The following LRP2 variants were observed in gnomAD, a reference collection of about 807,000 sequenced individuals.
LRP2 encodes the protein low-density lipoprotein receptor-related protein 2.
In LRP2, 172 loss-of-function variants were observed where a neutral mutation model predicts 531.0. The ratio of observed to expected loss-of-function variants is 0.32; its 90% confidence interval spans 0.29 to 0.37. The LOEUF (loss-of-function observed/expected upper bound fraction) is 0.37. Among genes scored for constraint, LRP2 ranks in the 10% least tolerant of loss-of-function variants. The pLI is 1.00. For missense variants in LRP2, 5,167 were observed against 5,868.3 expected (o/e 0.88, Z 3.90); for synonymous variants, 1,992 against 2,027.6 (o/e 0.98, Z 0.47).
chr2:169,340,187 T>C (rs951282622), intron 1 of LRP2, among the ~76,000 whole-genome samples: 2 of 152,064 alleles, frequency 1.3e-5, no homozygotes, highest in Admixed American at 6.6e-5. Context: ...ACATCTCCAG[T>C]TTTTCCATCA....
chr2:169,142,729 A>T lies in LRP2; in HGVS notation c.13053T>A (p.Cys4351Ter). The T allele has an allele frequency of 6.2e-7, 1 of 1,614,132 alleles. No homozygotes were observed. The highest frequency in any genetic ancestry group is 8.5e-7 in the Non-Finnish European group (1 of 1,179,960). Reference sequence around the variant, plus strand: ...TAAAGCTGGAGCCTTGGGGACAGGCACAGCTGTATCCTCCAGGTCTCAGAA... The same window carrying T: ...TAAAGCTGGAGCCTTGGGGACAGGCTCAGCTGTATCCTCCAGGTCTCAGAA... ...LCLLRPGGYS[C>*]ACPQGSSFIE... Residue 4351 changes from cysteine to a stop codon, truncating the protein, a stop_gained, in exon 71 of 79, where the codon TGT (cysteine) becomes TGA (stop). Coordinates refer to ENST00000649046, the MANE Select transcript of LRP2 (RefSeq NM_004525.3). LOFTEE classifies it high-confidence loss of function.
rs979218002 is a variant in LRP2, at chr2:169,170,697, G to C, written c.11264-30C>G. The C allele has an allele frequency of 2.1e-6, 3 of 1,460,286 alleles. No homozygotes were observed. In the African/African-American group the frequency reaches 4.2e-5, roughly 20 times the overall value. The allele number at this position is 1,460,286 out of a possible 1,614,324, so 90.5% of individuals were successfully genotyped here. ...AAAGGAAAGGCACCTGGCCATGAGT[G>C]TGCACCAGGAATCACATACAGGAGA... On this transcript the variant is annotated intron_variant, in intron 58 of 78. Coordinates refer to ENST00000649046, the MANE Select transcript of LRP2 (RefSeq NM_004525.3).
chr2:169,311,979 T>C (rs1336004960), intron 3 of LRP2, among the ~76,000 whole-genome samples: 1 of 152,220 alleles, frequency 6.6e-6, no homozygotes, highest in African/African-American at 2.4e-5. Context: ...TCTTCTGATC[T>C]TTGTTGGTTT....
rs377305255 is a variant in LRP2, at chr2:169,137,487, C to T, written c.13525G>A (p.Asp4509Asn). ...AIDRSMAMSE[D>N]FVMEMGKQPI... ...TGCTTCCCCATTTCCATGACAAAGT[C>T]TTCACTCTGATGGCAGAGACAGAAA... Residue 4509 changes from aspartate (D) to asparagine (N), a missense_variant, in exon 76 of 79, where the codon GAC (aspartate) becomes AAC (asparagine). Asp to Asn is a conservative substitution (Grantham distance 23). Transcript: ENST00000649046. The T allele has an allele frequency of 2.5e-6, 4 of 1,593,850 alleles. No homozygotes were observed. The highest frequency in any genetic ancestry group is 3.4e-6 in the Non-Finnish European group (4 of 1,162,084).
intron 33 of LRP2, among the ~76,000 whole-genome samples, chr2:169,223,563 T>C (rs150741571): frequency 6.6e-6 from 1 of 152,188 alleles, no homozygotes; most frequent in East Asian, 1.9e-4. Context: ...ATGAAAAATA[T>C]TTTCTGCCAC....
chr2:169,152,390 G>A (rs1686175413), intron 67 of LRP2, among the ~76,000 whole-genome samples: 1 of 152,178 alleles, frequency 6.6e-6, no homozygotes, highest in South Asian at 2.1e-4. Flanking sequence ...GCTTTGCTGG[G>A]AGAATTGTGA....
chr2:169,318,703 G>T (rs985873117), intron 3 of LRP2, 59 bp downstream of exon 3: 3 of 1,611,916 alleles, frequency 1.9e-6, no homozygotes, highest in Non-Finnish European at 2.5e-6. Flanking sequence ...ACTTCTTTGC[G>T]ACAGGTTGGG....
intron 9 of LRP2, among the ~76,000 whole-genome samples, chr2:169,287,528 T>C (rs1207231964): frequency 2.0e-5 from 3 of 152,156 alleles, no homozygotes; most frequent in Non-Finnish European, 4.4e-5. Flanking sequence ...CCAACGATTG[T>C]AGTTTTCAGT....
At chr2:169,277,633 G>T in intron 13 of LRP2, 112 bp downstream of exon 13, 1 of 959,802 alleles carries the variant, frequency 1.0e-6, no homozygotes, top group Non-Finnish European at 1.6e-6. Flanking sequence ...AAGCTATCAT[G>T]TCCACCAACA....
intron 65 of LRP2, among the ~76,000 whole-genome samples, chr2:169,155,944 T>C (rs556596608): frequency 1.3e-5 from 2 of 152,286 alleles, no homozygotes; most frequent in South Asian, 4.1e-4. Flanking sequence ...CTTTTGTTAT[T>C]GTTTGAGCCT....
intron 76 of LRP2, among the ~76,000 whole-genome samples, chr2:169,133,289 T>C (rs2105328602): frequency 6.6e-6 from 1 of 152,374 alleles, no homozygotes; most frequent in Non-Finnish European, 1.5e-5. Context: ...TTACCATGAA[T>C]GCATAATAAA....
intron 2 of LRP2, among the ~76,000 whole-genome samples, chr2:169,320,381 T>C (rs751412275): frequency 3.3e-5 from 5 of 152,240 alleles, no homozygotes; most frequent in Non-Finnish European, 5.9e-5. Context: ...TGGACTCCTC[T>C]TTGACTTACA....
chr2:169,265,929 T>C (rs142940097), intron 16 of LRP2, among the ~76,000 whole-genome samples: 3 of 151,440 alleles, frequency 2.0e-5, no homozygotes, highest in Non-Finnish European at 4.4e-5. Flanking sequence ...AAAAAAAAAA[T>C]TATAGATTGT....
chr2:169,331,304 T>C (rs2105538817), intron 1 of LRP2, among the ~76,000 whole-genome samples: 1 of 152,236 alleles, frequency 6.6e-6, no homozygotes, highest in Middle Eastern at 3.4e-3. Context: ...TCACAAAAAA[T>C]TAAAAATATA....
intron 63 of LRP2, among the ~76,000 whole-genome samples, chr2:169,159,460 G>A (rs1207521930): frequency 6.6e-6 from 1 of 152,154 alleles, no homozygotes; most frequent in African/African-American, 2.4e-5. Context: ...TGCCCTTGGA[G>A]TGCAGACTTC....
intron 63 of LRP2, among the ~76,000 whole-genome samples, chr2:169,159,661 C>G (rs1383580361): frequency 1.3e-5 from 2 of 152,074 alleles, no homozygotes; most frequent in African/African-American, 4.8e-5. Context: ...TAAAATTTGT[C>G]ATAGTATTTC....
intron 1 of LRP2, among the ~76,000 whole-genome samples, chr2:169,345,564 G>A (rs1003569920): frequency 1.3e-5 from 2 of 152,118 alleles, no homozygotes; most frequent in East Asian, 1.9e-4. Context: ...TTCTAATCCC[G>A]AATGAGGTTG....
rs755377642 is a variant in LRP2 at position 169,318,743 on chromosome 2, T to C, written c.310+19A>G. On this transcript the variant is annotated intron_variant, in intron 3 of 78. Coordinates refer to ENST00000649046, the MANE Select transcript of LRP2 (RefSeq NM_004525.3). ...AGGTGTCCACAAAGCCAAAGCAAGA[T>C]TCCTCTCCAAACACTTACAGCAATC... The C allele has an allele frequency of 3.1e-5, 50 of 1,613,898 alleles. No individual in the cohort carries two copies. Among genetic ancestry groups the C allele is most frequent in the Non-Finnish European group, 4.0e-5 (47 of 1,179,934 alleles).
At chr2:169,238,927 C>T (rs78265059) in intron 26 of LRP2, among the ~76,000 whole-genome samples, 6,309 of 152,154 alleles carry the variant, frequency 0.041, 350 homozygotes, top group African/African-American at 0.13. Flanking sequence ...GCTGCTTGCC[C>T]TCCACTTTCT....
Sources: allele counts gnomAD v4.1 joint callset (sites outside exome capture counted in the v4.1 genomes callset), GRCh38; gene constraint gnomAD v4.1.1; transcripts MANE v1.5; gene names NCBI Gene and HGNC (gene_info 2026-07-23, HGNC 2026-07-21).